B4GALT1: variants seen among roughly 807,000 people sequenced by gnomAD.
The protein encoded by B4GALT1 is N-acetyllactosamine synthase.
Under a neutral mutation model 34.9 loss-of-function variants are expected in B4GALT1, and 16 were observed. That is an observed-to-expected ratio of 0.46 (90% CI 0.31 to 0.70). The LOEUF is 0.70. Ranked by LOEUF, B4GALT1 falls within the 30% of genes least tolerant of loss-of-function variation. The pLI is 0.05. For missense variants in B4GALT1, 445 were observed against 530.5 expected (o/e 0.84, Z 1.58); for synonymous variants, 221 against 218.1 (o/e 1.01, Z -0.12).
At chr9:33,140,496 A>T (rs200681787) in intron 1 of B4GALT1, among the ~76,000 whole-genome samples, 28 of 61,280 alleles carry the variant, frequency 4.6e-4, no homozygotes, top group East Asian at 2.3e-3. Context: ...AATTTAATTT[A>T]AAAAAAAAAT....
intron 1 of B4GALT1, among the ~76,000 whole-genome samples, chr9:33,150,623 G>A (rs898884471): frequency 2.0e-5 from 3 of 152,036 alleles, no homozygotes; most frequent in African/African-American, 7.2e-5. Flanking sequence ...ATTTTTTTGG[G>A]GTGATGGAAC....
Position 33,135,290 on chromosome 9 carries a change from G to A in B4GALT1, c.547C>T (p.Pro183Ser), listed in dbSNP as rs1412835916. ...VSPHKVAIII[P>S]FRNRQEHLKY... ...AGGTGCTCCTGCCGGTTGCGGAATG[G>A]AATGATGATGGCCACCTTGTGAGGA... Residue 183 changes from proline to serine, a missense_variant, in exon 2 of 6, where the codon CCA (proline) becomes TCA (serine). By Grantham distance (74) the Pro-to-Ser change is moderately conservative. Coordinates refer to ENST00000379731, the MANE Select transcript of B4GALT1 (RefSeq NM_001497.4). 6.2e-7 allele frequency: 1 copy of A among 1,614,212 alleles called. No homozygotes were observed. Among genetic ancestry groups the A allele is most frequent in the Non-Finnish European group, 8.5e-7 (1 of 1,180,038 alleles).
chr9:33,107,967 GT>G (rs1839811725), downstream of B4GALT1, among the ~76,000 whole-genome samples: 1 of 152,144 alleles, frequency 6.6e-6, no homozygotes, highest in South Asian at 2.1e-4. Flanking sequence ...TTCAAGACGT[GT>G]GCCCCAGAAG....
At chr9:33,149,367 G>A (rs61469774) in intron 1 of B4GALT1, among the ~76,000 whole-genome samples, 11,972 of 151,582 alleles carry the variant, frequency 0.079, 780 homozygotes, top group African/African-American at 0.18. Flanking sequence ...TGCAACCTCC[G>A]CCTCCCAGGC....
the B4GALT1 span, among the ~76,000 whole-genome samples, chr9:33,181,191 AG>A: frequency 6.6e-6 from 1 of 152,184 alleles, no homozygotes; most frequent in Admixed American, 6.5e-5. Context: ...AGGCTGAGGC[AG>A]GAGCATTGCT....
At chr9:33,129,022 A>G (rs1840154268) in intron 2 of B4GALT1, among the ~76,000 whole-genome samples, 1 of 152,256 alleles carries the variant, frequency 6.6e-6, no homozygotes, top group Non-Finnish European at 1.5e-5. Context: ...AGGAAACAGT[A>G]GAAAACTTCA....
intron 1 of B4GALT1, among the ~76,000 whole-genome samples, chr9:33,149,642 CACT>C (rs904080246): frequency 6.6e-6 from 1 of 152,084 alleles, no homozygotes; most frequent in African/African-American, 2.4e-5. Flanking sequence ...TGCCAAATGC[CACT>C]ACAATGAAAT....
chr9:33,147,949 G>A (rs566658515), intron 1 of B4GALT1, among the ~76,000 whole-genome samples: 17 of 152,074 alleles, frequency 1.1e-4, no homozygotes, highest in African/African-American at 3.1e-4. Context: ...TGGGAGGATC[G>A]CTTAAGCCCA....
At chr9:33,150,904 AAG>A (rs1226931124) in intron 1 of B4GALT1, among the ~76,000 whole-genome samples, 1 of 152,194 alleles carries the variant, frequency 6.6e-6, no homozygotes, top group African/African-American at 2.4e-5. Flanking sequence ...TACATGAGGC[AAG>A]AGAGTCCATG....
chr9:33,120,455 C>T lies in B4GALT1; in HGVS notation c.800G>A (p.Arg267Gln), dbSNP rs1840004075. ...CTTATCCATTGCAACGGAAATGTGC[C>T]GTGGCTGTGAAAAACACCTGTACGC... is the stretch of plus-strand genomic sequence containing the variant. ...HNAYRCFSQPRHISVAMDKFG... is the reference protein window; with the variant it reads ...HNAYRCFSQPQHISVAMDKFG... The change falls in exon 3 of 6, where the codon CGG becomes CAG. Residue 267 changes from arginine (R) to glutamine (Q), a missense_variant. Transcript: ENST00000379731. 3 of 1,613,712 alleles carry T rather than the reference C, an allele frequency of 1.9e-6. No individual in the cohort carries two copies. Among genetic ancestry groups the T allele is most frequent in the African/African-American group, 1.3e-5 (1 of 75,004 alleles).
intron 1 of B4GALT1, among the ~76,000 whole-genome samples, chr9:33,161,925 C>T (rs778927217): frequency 4.7e-4 from 71 of 152,310 alleles, no homozygotes; most frequent in Non-Finnish European, 5.7e-4. Flanking sequence ...CAAACACACA[C>T]CCATAGCCCA....
At position 33,130,077 on chromosome 9, in the gene B4GALT1, T is replaced by C. The variant is rs1247897655; in HGVS notation, c.648+5112A>G. On this transcript the variant is annotated intron_variant, in intron 2 of 5. Transcript: ENST00000379731. ...AGAGGAACAGAGGTGCCAGAAGATA[T>C]GCAATCGGAATTGGAGAGACCAGTT... 2.0e-5 allele frequency among the ~76,000 whole-genome samples: 3 copies of C among 152,120 alleles called. No individual in the cohort carries two copies. The East Asian group carries it at 5.8e-4, about 29-fold the overall frequency.
the B4GALT1 span, among the ~76,000 whole-genome samples, chr9:33,177,086 A>C: frequency 6.6e-6 from 1 of 152,116 alleles, no homozygotes. Context: ...GTTTCTCAAA[A>C]TTTTGCTTGA....
the B4GALT1 span, among the ~76,000 whole-genome samples, chr9:33,175,960 A>G: frequency 6.6e-6 from 1 of 152,236 alleles, no homozygotes; most frequent in Non-Finnish European, 1.5e-5. Flanking sequence ...TCTAACATAT[A>G]ATGGAAATAC....
intron 1 of B4GALT1, among the ~76,000 whole-genome samples, chr9:33,152,545 C>CA (rs1189203760): frequency 7.6e-6 from 1 of 132,122 alleles, no homozygotes; most frequent in Non-Finnish European, 1.6e-5. Flanking sequence ...AAAAATGGGC[C>CA]AAAAAAAGGG....
chr9:33,121,487 C>T lies in B4GALT1; in HGVS notation c.649-881G>A, dbSNP rs1038146025. Among the ~76,000 whole-genome samples, 163 of 150,738 alleles carry T rather than the reference C, an allele frequency of 1.1e-3. 2 individuals carry two copies. Among genetic ancestry groups the T allele is most frequent in the Admixed American group, 9.8e-3 (148 of 15,106 alleles). On this transcript the variant is annotated intron_variant, in intron 2 of 5. Transcript: ENST00000379731. ...AAGCGATTCTCCTGCCTTAGCCTCG[C>T]GAGTAGCTGGGATTACAGGCATGTG...
At chr9:33,162,897 G>C (rs756411564) in intron 1 of B4GALT1, among the ~76,000 whole-genome samples, 12 of 152,212 alleles carry the variant, frequency 7.9e-5, no homozygotes, top group Non-Finnish European at 1.8e-4. Flanking sequence ...AAACCAAATA[G>C]TCATGGAGGG....
At chr9:33,107,836 C>T (rs1410517312), downstream of B4GALT1, among the ~76,000 whole-genome samples, 1 of 152,124 alleles carries the variant, frequency 6.6e-6, no homozygotes, top group Non-Finnish European at 1.5e-5. Flanking sequence ...ATCCTAAACA[C>T]CTTCACTCAG....
upstream of B4GALT1, among the ~76,000 whole-genome samples, chr9:33,170,074 A>G (rs1840826248): frequency 6.9e-6 from 1 of 144,726 alleles, no homozygotes; most frequent in Admixed American, 7.2e-5. Flanking sequence ...GGTTCACGCC[A>G]TTCTCCTGCC....
Sources: allele counts gnomAD v4.1 joint callset (sites outside exome capture counted in the v4.1 genomes callset), GRCh38; gene constraint gnomAD v4.1.1; transcripts MANE v1.5; gene names NCBI Gene and HGNC (gene_info 2026-07-23, HGNC 2026-07-21).